Variants in RHD observed in about 807,000 individuals in gnomAD.
The protein encoded by RHD is blood group Rh(D) polypeptide.
In RHD, 16 loss-of-function variants were observed where a neutral mutation model predicts 45.5. The ratio of observed to expected loss-of-function variants is 0.35; its 90% CI spans 0.24 to 0.53. The LOEUF (loss-of-function observed/expected upper bound fraction) is 0.53, where lower values mean the gene tolerates loss of function less well. Among genes scored for constraint, RHD ranks in the 20% least tolerant of loss-of-function variants. The pLI, the probability that RHD is intolerant of heterozygous loss-of-function variation, is 0.92. For missense variants in RHD, 306 were observed against 532.0 expected, an observed-to-expected ratio of 0.58 and a Z score of 4.18; for synonymous variants, 131 against 217.5, an observed-to-expected ratio of 0.60 and a Z score of 3.50.
In RHD at chr1:25,299,831, C is replaced by T. The variant is rs1643244069; in HGVS notation, c.487-1115C>T. 1.5e-5 allele frequency among the ~76,000 whole-genome samples: 2 copies of T among 131,356 alleles called. 1 individual carries two copies. The highest frequency in any genetic ancestry group is 4.6e-4 in the South Asian group (2 of 4,322). The allele number at this position is 131,356 out of a possible 152,430, so 86.2% of individuals were successfully genotyped here. A position where few individuals can be genotyped will look rare whatever the true frequency, so the allele number is the denominator to read the frequency against. On this transcript the variant is annotated intron_variant, in intron 3 of 9. Transcript: ENST00000328664. ...GTGGCGACATCTCAGCTCACTATAG[C>T]CTCCGCCTCCCAGGTTCCAGTGAAT... is the stretch of plus-strand genomic sequence containing the variant.
Position 25,318,035 on chromosome 1 carries a change from A to C in RHD, c.1153+956A>C, listed in dbSNP as rs1351872231. On this transcript the variant is annotated intron_variant, in intron 8 of 9. Transcript: ENST00000328664. ...AGTTTTACTTATATGCCAGGTGAAA[A>C]TATGTGGCTAGGTGCAGTGGCTCAT... 1.5e-5 allele frequency: 2 copies of C among 131,664 alleles called. 1 individual carries two copies. The highest frequency in any genetic ancestry group is 3.6e-5 in the Non-Finnish European group (2 of 55,616). 8.2% of individuals were successfully genotyped at this position (131,664 alleles called of 1,614,324 possible). A position where few individuals can be genotyped will look rare whatever the true frequency, so the allele number is the denominator to read the frequency against.
At chr1:25,287,155 G>A (rs1394815010) in intron 2 of RHD, among the ~76,000 whole-genome samples, 2 of 134,486 alleles carry the variant, frequency 1.5e-5, no homozygotes, top group Non-Finnish European at 3.5e-5. Context: ...ATACACACAC[G>A]CACACATGCA....
chr1:25,315,851 T>C (rs1571733508), intron 7 of RHD, among the ~76,000 whole-genome samples: 1 of 131,144 alleles, frequency 7.6e-6, no homozygotes, highest in Non-Finnish European at 1.8e-5. Context: ...CACTCTCCTA[T>C]GATCTTATGA....
chr1:25,289,575 A>G (rs1370143085), intron 2 of RHD, among the ~76,000 whole-genome samples: 2 of 128,022 alleles, frequency 1.6e-5, no homozygotes, highest in African/African-American at 5.3e-5. Flanking sequence ...CATTATCATC[A>G]CTGTTGCTGT....
At chr1:25,324,748 AAAGT>A (rs1240714023) in intron 9 of RHD, among the ~76,000 whole-genome samples, 1 of 149,290 alleles carries the variant, frequency 6.7e-6, no homozygotes, top group Non-Finnish European at 1.5e-5. Flanking sequence ...GCCCTGCATA[AAAGT>A]AAGTATGTCG....
At position 25,291,193 on chromosome 1, in the gene RHD, G is replaced by A. The variant is rs1642474726; in HGVS notation, c.486+402G>A. On this transcript the variant is annotated intron_variant, in intron 3 of 9. Coordinates refer to ENST00000328664, the MANE Select transcript of RHD (RefSeq NM_016124.6). ...ACAGACAGACAGACAGACAGGCTGG[G>A]TACAGTGGCTCACACCTGTAATCCC... Among the ~76,000 whole-genome samples the A allele has an allele frequency of 2.3e-5, 3 of 127,942 alleles. 1 individual carries two copies. Among genetic ancestry groups the A allele is most frequent in the Admixed American group, 2.3e-4 (3 of 13,222 alleles). The allele number at this position is 127,942 out of a possible 152,430, so 83.9% of individuals were successfully genotyped here.
intron 3 of RHD, among the ~76,000 whole-genome samples, chr1:25,293,440 A>G (rs1212606726): frequency 7.6e-6 from 1 of 130,930 alleles, no homozygotes; most frequent in African/African-American, 2.6e-5. Context: ...TGCGGAAATA[A>G]CAATTTATTA....
At chr1:25,309,405 A>G (rs1263405225) in intron 7 of RHD, among the ~76,000 whole-genome samples, 3 of 131,678 alleles carry the variant, frequency 2.3e-5, no homozygotes, top group Admixed American at 2.2e-4. Context: ...AATAGCAGAG[A>G]AAACCTCAGA....
At chr1:25,283,710 G>T (rs1302958368) in intron 1 of RHD, among the ~76,000 whole-genome samples, 1 of 133,828 alleles carries the variant, frequency 7.5e-6, no homozygotes, top group Non-Finnish European at 1.8e-5. Context: ...CATGGTAAAC[G>T]CTTAGGAAAT....
intron 2 of RHD, among the ~76,000 whole-genome samples, chr1:25,287,263 A>G (rs1206847439): frequency 1.5e-5 from 2 of 132,798 alleles, no homozygotes; most frequent in Admixed American, 7.3e-5. Context: ...CCTTAGCTTA[A>G]GGTCACACCA....
At position 25,313,855 on chromosome 1, in the gene RHD, C is replaced by T. The variant is rs189754116; in HGVS notation, c.1074-3145C>T. 1.5e-5 allele frequency among the ~76,000 whole-genome samples: 2 copies of T among 132,932 alleles called. 1 individual carries two copies. Among genetic ancestry groups the T allele is most frequent in the Admixed American group, 1.5e-4 (2 of 13,658 alleles). The allele number at this position is 132,932 out of a possible 152,430, so 87.2% of individuals were successfully genotyped here. A position where few individuals can be genotyped will look rare whatever the true frequency, so the allele number is the denominator to read the frequency against. On this transcript the variant is annotated intron_variant, in intron 7 of 9. Coordinates refer to ENST00000328664, the MANE Select transcript of RHD (RefSeq NM_016124.6). ...CTGACTTGCAAGAAAATGAGATAAA[C>T]AACTTTGGCCATTAGTGTGGCCCTG...
Position 25,280,006 on chromosome 1 carries a change from T to C in RHD, c.149-4567T>C, listed in dbSNP as rs600253. On this transcript the variant is annotated intron_variant, in intron 1 of 9. Coordinates refer to ENST00000328664, the MANE Select transcript of RHD (RefSeq NM_016124.6). ...CTGAAGCGGGAGCCCAGATAATGGA[T>C]GGGTGGAAATGGGCCTGGAGCCCAG... Among the ~76,000 whole-genome samples, 78 of 127,438 alleles carry C rather than the reference T, an allele frequency of 6.1e-4. 3 individuals are homozygous for C. The highest frequency in any genetic ancestry group is 3.7e-3 in the Admixed American group (49 of 13,252). The allele number at this position is 127,438 out of a possible 152,430, so 83.6% of individuals were successfully genotyped here.
At position 25,294,274 on chromosome 1, in the gene RHD, C is replaced by T. The variant is rs925636179; in HGVS notation, c.486+3483C>T. On this transcript the variant is annotated intron_variant, in intron 3 of 9. Transcript: ENST00000328664. The stretch of plus-strand genomic sequence containing the variant: ...GAAAATGCCAAAAGCCCTGCCTTGG[C>T]AGCTTTCTGCGAGGCATCCCCATGA... 29 of 1,140,014 alleles carry T rather than the reference C, an allele frequency of 2.5e-5. 3 individuals are homozygous for T. In the Admixed American group the frequency reaches 5.2e-4, roughly 20 times the overall value. 70.6% of individuals were successfully genotyped at this position (1,140,014 alleles called of 1,614,324 possible).
chr1:25,298,827 G>A (rs111968158), intron 3 of RHD, among the ~76,000 whole-genome samples: 2,073 of 130,576 alleles, frequency 0.016, 346 homozygotes, highest in African/African-American at 0.049. Flanking sequence ...TTAGAGAGTG[G>A]TAAGTACCAC....
chr1:25,304,791 A>G (rs1643668182), intron 6 of RHD: 1 of 131,432 alleles, frequency 7.6e-6, no homozygotes, highest in Non-Finnish European at 1.8e-5. Context: ...AAGGGGAACA[A>G]ATTTCTTTTA....
rs779674774 is a variant in RHD at position 25,285,377 on chromosome 1, G to T, written c.335+618G>T. On this transcript the variant is annotated intron_variant, in intron 2 of 9. Transcript: ENST00000328664. ...TCAAACTCCTGACCTCAGGTGATCC[G>T]CCCGCCTCGGCCTCCCAAAGTGCTG... 6.7e-5 allele frequency among the ~76,000 whole-genome samples: 9 copies of T among 134,462 alleles called. No homozygotes were observed. In the East Asian group the frequency reaches 1.7e-3, roughly 26 times the overall value. The allele number at this position is 134,462 out of a possible 152,430, so 88.2% of individuals were successfully genotyped here.
Position 25,278,351 on chromosome 1 carries a change from T to C in RHD, c.148+5656T>C, listed in dbSNP as rs1198704040. 9.2e-5 allele frequency among the ~76,000 whole-genome samples: 12 copies of C among 130,066 alleles called. 1 individual carries two copies. Among genetic ancestry groups the C allele is most frequent in the African/African-American group, 2.3e-4 (9 of 38,350 alleles). The allele number at this position is 130,066 out of a possible 152,430, so 85.3% of individuals were successfully genotyped here. ...GGAGTTAAGGGGCCTATGATATGCT[T>C]AGGGGAAGCAGAGAGTATCAATTAC... On this transcript the variant is annotated intron_variant, in intron 1 of 9. Transcript: ENST00000328664.
intron 7 of RHD, among the ~76,000 whole-genome samples, chr1:25,308,083 C>T (rs1643947126): frequency 8.0e-6 from 1 of 124,760 alleles, no homozygotes; most frequent in African/African-American, 2.8e-5. Flanking sequence ...AGCTTGCACC[C>T]ATCATCACAG....
intron 1 of RHD, among the ~76,000 whole-genome samples, chr1:25,274,947 C>T (rs1479359810): frequency 4.6e-5 from 6 of 130,698 alleles, no homozygotes; most frequent in Admixed American, 4.5e-4. Flanking sequence ...GACTTCATCT[C>T]AAAAAACCAA....
Sources: allele counts gnomAD v4.1 joint callset (sites outside exome capture counted in the v4.1 genomes callset), GRCh38; gene constraint gnomAD v4.1.1; transcripts MANE v1.5; gene names NCBI Gene and HGNC (gene_info 2026-07-23, HGNC 2026-07-21).